Variants in PLEKHA2 observed in about 807,000 individuals in gnomAD.
PLEKHA2 encodes the protein pleckstrin homology domain containing A2, also known as pleckstrin homology domain-containing family A member 2.
In PLEKHA2, 28 loss-of-function variants were observed where a neutral mutation model predicts 53.2. The ratio of observed to expected loss-of-function variants is 0.53; its 90% CI spans 0.39 to 0.72. The LOEUF (loss-of-function observed/expected upper bound fraction) is 0.72. Among genes scored for constraint, PLEKHA2 ranks in the 30% least tolerant of loss-of-function variants. PLEKHA2 has a pLI of 0.00. For synonymous variants in PLEKHA2, 193 were observed against 196.4 expected (o/e 0.98, Z 0.14); for missense variants, 426 against 537.9 (o/e 0.79, Z 2.06).
intron 10 of PLEKHA2, among the ~76,000 whole-genome samples, 155 bp downstream of exon 10, chr8:38,957,541 C>T (rs940828961): frequency 6.6e-6 from 1 of 152,174 alleles, no homozygotes; most frequent in African/African-American, 2.4e-5. Flanking sequence ...CCATTTCATC[C>T]TAAACAGGAT....
chr8:38,958,644 G>A (rs1834986004), intron 10 of PLEKHA2, among the ~76,000 whole-genome samples: 1 of 152,218 alleles, frequency 6.6e-6, no homozygotes, highest in Non-Finnish European at 1.5e-5. Context: ...GGAGTGAACT[G>A]GAGCTGTGGA....
intron 10 of PLEKHA2, among the ~76,000 whole-genome samples, chr8:38,966,421 T>G (rs1325188846): frequency 6.6e-6 from 1 of 152,102 alleles, no homozygotes; most frequent in Non-Finnish European, 1.5e-5. Context: ...TGTTAGGGGA[T>G]GATGCTGGAG....
In PLEKHA2 at chr8:38,952,670, A is replaced by G. The variant is rs796491069; in HGVS notation, c.668A>G (p.Asp223Gly). ...KSWKRRFFAL[D>G]DFTICYFKCE... Reference sequence around the variant, plus strand: ...TGGAAACGTCGCTTCTTTGCACTTGATGACTTTACCATCTGCTACTTCAAG... The same window carrying G: ...TGGAAACGTCGCTTCTTTGCACTTGGTGACTTTACCATCTGCTACTTCAAG... Residue 223 changes from aspartate (D) to glycine (G), a missense_variant, in exon 8 of 12, where the codon GAT (aspartate) becomes GGT (glycine). Transcript: ENST00000617275. The G allele has an allele frequency of 1.2e-6, 2 of 1,611,700 alleles. No individual in the cohort carries two copies. The highest frequency in any genetic ancestry group is 1.7e-6 in the Non-Finnish European group (2 of 1,179,842).
At chr8:38,931,185 C>T (rs1437931573) in intron 2 of PLEKHA2, among the ~76,000 whole-genome samples, 2 of 152,014 alleles carry the variant, frequency 1.3e-5, no homozygotes, top group Admixed American at 6.5e-5. Flanking sequence ...GGCTGAGGCA[C>T]GAGAATTGCT....
chr8:38,921,022 A>G (rs1018256254), intron 2 of PLEKHA2, among the ~76,000 whole-genome samples: 1 of 152,006 alleles, frequency 6.6e-6, no homozygotes, highest in African/African-American at 2.4e-5. Context: ...GCTGGTCTTG[A>G]ACTCCTGACG....
chr8:38,953,338 G>A lies in PLEKHA2; in HGVS notation c.744G>A (p.Leu248=). ...PLRTIFLKDV[L]KTHECLVKSG... is the part of the protein sequence containing the mutation. ...GCACCATATTTCTTAAGGATGTTCT[G>A]AAGACCCATGAATGTCTGGTCAAGT... Residue 248 remains leucine (L), a synonymous_variant, in exon 9 of 12, where the codon CTG becomes CTA. Coordinates refer to ENST00000617275, the MANE Select transcript of PLEKHA2 (RefSeq NM_021623.2). 1 of 1,613,288 alleles carries A rather than the reference G, an allele frequency of 6.2e-7. No homozygotes were observed. Among genetic ancestry groups the A allele is most frequent in the Non-Finnish European group, 8.5e-7 (1 of 1,179,296 alleles).
At chr8:38,962,872 C>T (rs541266023) in intron 10 of PLEKHA2, among the ~76,000 whole-genome samples, 6 of 152,274 alleles carry the variant, frequency 3.9e-5, no homozygotes, top group African/African-American at 1.4e-4. Flanking sequence ...ATTTAGACTA[C>T]AGGGTGAATG....
chr8:38,920,378 G>GCT (rs1834162105), intron 2 of PLEKHA2, among the ~76,000 whole-genome samples: 1 of 151,442 alleles, frequency 6.6e-6, no homozygotes, highest in Non-Finnish European at 1.5e-5. Context: ...ATGGTCTCAA[G>GCT]CTCCTGACCT....
At chr8:38,915,185 A>T (rs941513042) in intron 1 of PLEKHA2, among the ~76,000 whole-genome samples, 1 of 152,146 alleles carries the variant, frequency 6.6e-6, no homozygotes, top group African/African-American at 2.4e-5. Context: ...GCCTCAAGCG[A>T]TCCTCCCACC....
In PLEKHA2 at chr8:38,942,466, C is replaced by T. The variant is rs79745500; in HGVS notation, c.199-1323C>T. Among the ~76,000 whole-genome samples the T allele has an allele frequency of 2.4e-3, 368 of 152,262 alleles. 9 individuals carry two copies. The East Asian group carries it at 0.037, about 15-fold the overall frequency. On this transcript the variant is annotated intron_variant, in intron 3 of 11. Coordinates refer to ENST00000617275, the MANE Select transcript of PLEKHA2 (RefSeq NM_021623.2). ...AGAAAGAAAACCCAAAAAAACCCCA[C>T]AAACAAATAAAATAAAGTGGGAACC...
Position 38,952,685 on chromosome 8 carries a change from G to T in PLEKHA2, c.683G>T (p.Cys228Phe), listed in dbSNP as rs757951835. ...RFFALDDFTI[C>F]YFKCEQDREP... is the part of the protein sequence containing the mutation. Reference sequence around the variant, plus strand: ...TTTGCACTTGATGACTTTACCATCTGCTACTTCAAGTGTGAGCAGGTTTGT... The same window carrying T: ...TTTGCACTTGATGACTTTACCATCTTCTACTTCAAGTGTGAGCAGGTTTGT... The change falls in exon 8 of 12, where the codon TGC becomes TTC. Residue 228 changes from cysteine to phenylalanine, a missense_variant. Transcript: ENST00000617275. 3.1e-6 allele frequency: 5 copies of T among 1,612,134 alleles called. No homozygotes were observed. The Admixed American group carries it at 8.3e-5, about 27-fold the overall frequency.
At chr8:38,967,181 G>A (rs983115041) in intron 10 of PLEKHA2, among the ~76,000 whole-genome samples, 5 of 151,946 alleles carry the variant, frequency 3.3e-5, no homozygotes, top group Non-Finnish European at 7.4e-5. Context: ...TTTCTTTATC[G>A]AGTCCTCTGT....
chr8:38,910,219 A>G (rs905187012), intron 1 of PLEKHA2, among the ~76,000 whole-genome samples: 6 of 152,196 alleles, frequency 3.9e-5, no homozygotes, highest in Non-Finnish European at 5.9e-5. Flanking sequence ...GGCCTCCCGA[A>G]GTGCTGGGAT....
chr8:38,934,962 A>T (rs1262888847), intron 2 of PLEKHA2, among the ~76,000 whole-genome samples: 1 of 152,196 alleles, frequency 6.6e-6, no homozygotes, highest in Non-Finnish European at 1.5e-5. Context: ...ACTTGCTGAG[A>T]GTCTTCTACA....
intron 1 of PLEKHA2, among the ~76,000 whole-genome samples, chr8:38,910,955 G>A (rs1173892109): frequency 1.3e-5 from 2 of 152,180 alleles, no homozygotes; most frequent in Non-Finnish European, 2.9e-5. Context: ...GCATGCAAAT[G>A]TGAAAATTGT....
intron 10 of PLEKHA2, among the ~76,000 whole-genome samples, chr8:38,965,850 G>A (rs904446950): frequency 2.0e-5 from 3 of 152,122 alleles, no homozygotes; most frequent in Non-Finnish European, 2.9e-5. Context: ...CATTCTGTGC[G>A]TTCGGCCCTG....
At chr8:38,946,032 C>G (rs1834707371) in intron 4 of PLEKHA2, 92 bp from the exon 5 acceptor site, 1 of 982,312 alleles carries the variant, frequency 1.0e-6, no homozygotes, top group Non-Finnish European at 1.6e-6. Flanking sequence ...ACTCATCTCA[C>G]TCCCTCAAAC....
chr8:38,960,050 G>A (rs1835014317), intron 10 of PLEKHA2, among the ~76,000 whole-genome samples: 1 of 152,196 alleles, frequency 6.6e-6, no homozygotes, highest in Non-Finnish European at 1.5e-5. Context: ...TTGGACTAAA[G>A]ACAGCAATTT....
intron 2 of PLEKHA2, among the ~76,000 whole-genome samples, chr8:38,932,569 C>T (rs550750200): frequency 1.3e-5 from 2 of 152,306 alleles, no homozygotes; most frequent in Admixed American, 6.5e-5. Context: ...TGCCCTGACA[C>T]CTGGCTAACC....
Sources: gnomAD v4.1 joint callset for allele counts (sites outside exome capture counted in the v4.1 genomes callset) on GRCh38, gnomAD v4.1.1 for gene constraint, MANE v1.5 for transcripts, NCBI Gene and HGNC (gene_info 2026-07-23, HGNC 2026-07-21) for gene names.